Variants in NIBAN2 observed in about 807,000 individuals in gnomAD.
NIBAN2 encodes niban apoptosis regulator 2.
A neutral mutation model predicts 81.8 loss-of-function variants in NIBAN2; 36 were observed. The ratio of observed to expected loss-of-function variants is 0.44; its 90% CI spans 0.34 to 0.58. NIBAN2 has a LOEUF of 0.58. NIBAN2 is among the 20% of genes least tolerant of loss of function. The probability of loss-of-function intolerance (pLI) is 0.02; values close to 1 mark genes in which losing one functional copy is unlikely to be tolerated. For synonymous variants in NIBAN2, 445 were observed against 441.6 expected, an observed-to-expected ratio of 1.01 and a Z score of -0.10; for missense variants, 897 against 1,014.1, an observed-to-expected ratio of 0.88 and a Z score of 1.57.
chr9:127,559,021 T>C lies in NIBAN2; in HGVS notation c.55+9799A>G, dbSNP rs7032941. On this transcript the variant is annotated intron_variant, in intron 1 of 13. Coordinates refer to ENST00000373312, the MANE Select transcript of NIBAN2 (RefSeq NM_022833.4). This position sits in a 1 kb window ranked among gnomAD's most constrained non-coding sequence, Gnocchi z 4.0. ...CACACAGCTTTCAGTGACAGAAGCA[T>C]ACTGCCACCAGGTCAAAGCCAGACA... Among the ~76,000 whole-genome samples, 2,315 of 152,266 alleles carry C rather than the reference T, an allele frequency of 0.015. 62 individuals carry two copies. Among genetic ancestry groups the C allele is most frequent in the African/African-American group, 0.054 (2,230 of 41,552 alleles).
chr9:127,537,750 T>C (rs922460597), intron 1 of NIBAN2, among the ~76,000 whole-genome samples: 1 of 152,142 alleles, frequency 6.6e-6, no homozygotes, highest in African/African-American at 2.4e-5. Context: ...CAGAGGGAAA[T>C]ACAACCCTCA....
At position 127,510,222 on chromosome 9, in the gene NIBAN2, C is replaced by T. The variant is rs1010285462; in HGVS notation, c.1085G>A (p.Arg362Gln). 5.6e-6 allele frequency: 9 copies of T among 1,614,004 alleles called. No homozygotes were observed. The African/African-American group carries it at 8.0e-5, about 14-fold the overall frequency. Residue 362 changes from arginine (R) to glutamine (Q), a missense_variant, in exon 9 of 14, where the codon CGA (arginine) becomes CAA (glutamine). This residue lies in a region of NIBAN2 where 619 missense variants were observed against 691.0 expected (regional missense o/e 0.90). Coordinates refer to ENST00000373312, the MANE Select transcript of NIBAN2 (RefSeq NM_022833.4). ...VPTSQGFTEV[R>Q]DVFFKEVTDM... The stretch of plus-strand genomic sequence containing the variant: ...CGTGACCTCCTTGAAGAAGACATCT[C>T]GCACCTCAGTGAAGCCCTGGCTGGT...
chr9:127,577,904 T>A (rs1009486733), intron 1 of NIBAN2, among the ~76,000 whole-genome samples: 41 of 151,860 alleles, frequency 2.7e-4, no homozygotes, highest in Non-Finnish European at 5.4e-4. Context: ...TAAAAAAAAA[T>A]GTTGGGCCAG....
intron 1 of NIBAN2, chr9:127,578,841 A>G (rs1838040885): frequency 2.9e-6 from 4 of 1,389,538 alleles, no homozygotes; most frequent in East Asian, 2.4e-5. Flanking sequence ...TGAGTGACAG[A>G]GCAAAACCTC....
chr9:127,519,659 C>T (rs367676542), intron 5 of NIBAN2, among the ~76,000 whole-genome samples: 1 of 152,222 alleles, frequency 6.6e-6, no homozygotes, highest in Admixed American at 6.5e-5. Context: ...ATCCCTACAG[C>T]GCAGCTGCCT....
At chr9:127,550,415 CCT>C (rs1332890319) in intron 1 of NIBAN2, among the ~76,000 whole-genome samples, 1 of 152,220 alleles carries the variant, frequency 6.6e-6, no homozygotes, top group Non-Finnish European at 1.5e-5. Flanking sequence ...AGGTCAGACC[CCT>C]GTTAGTCATT....
At chr9:127,565,782 CAAA>C (rs34713108) in intron 1 of NIBAN2, among the ~76,000 whole-genome samples, 11 of 70,836 alleles carry the variant, frequency 1.6e-4, no homozygotes, top group Non-Finnish European at 1.3e-4. Flanking sequence ...GACTCTGTCT[CAAA>C]AAAAAAAAAA....
At chr9:127,554,932 AAAAAAACAAAAAAC>A (rs758429949) in intron 1 of NIBAN2, among the ~76,000 whole-genome samples, 3 of 152,130 alleles carry the variant, frequency 2.0e-5, no homozygotes, top group African/African-American at 4.8e-5. Flanking sequence ...CACTCACTGT[AAAAAAACAAAAAAC>A]AAAAAACAAA....
chr9:127,562,251 C>A (rs2249744), intron 1 of NIBAN2, among the ~76,000 whole-genome samples: 28,639 of 152,116 alleles, frequency 0.19, 3,242 homozygotes, highest in East Asian at 0.29. Context: ...TTTCAGTGTC[C>A]CCCTGCCCAG....
At position 127,516,031 on chromosome 9, in the gene NIBAN2, G is replaced by C. The variant is rs147172921; in HGVS notation, c.973+826C>G. ...CACATGCCTGTAGTCCCAGCTACTT[G>C]GGGGGTTGAAGTGGGAGGATGGTAG... On this transcript the variant is annotated intron_variant, in intron 8 of 13. Coordinates refer to ENST00000373312, the MANE Select transcript of NIBAN2 (RefSeq NM_022833.4). Among the ~76,000 whole-genome samples the C allele has an allele frequency of 2.2e-3, 333 of 152,054 alleles. 3 individuals carry two copies. In the East Asian group the frequency reaches 0.043, roughly 19 times the overall value.
intron 2 of NIBAN2, among the ~76,000 whole-genome samples, chr9:127,530,003 A>ACG (rs1564304930): frequency 6.6e-6 from 1 of 152,148 alleles, no homozygotes; most frequent in Non-Finnish European, 1.5e-5. Context: ...GAAATGCTTC[A>ACG]CGCCCTCAGC....
intron 8 of NIBAN2, among the ~76,000 whole-genome samples, chr9:127,510,870 A>C (rs1836725049): frequency 6.6e-6 from 1 of 152,036 alleles, no homozygotes; most frequent in South Asian, 2.1e-4. Flanking sequence ...TATTATTATC[A>C]TTTTTATTTC....
At chr9:127,569,999 A>G (rs1837928460), upstream of NIBAN2, among the ~76,000 whole-genome samples, 2 of 152,182 alleles carry the variant, frequency 1.3e-5, no homozygotes, top group African/African-American at 4.8e-5. Flanking sequence ...CCAAGCTGGC[A>G]GGGGAGACAG....
At chr9:127,527,591 C>G (rs769620535) in intron 2 of NIBAN2, among the ~76,000 whole-genome samples, 3 of 152,224 alleles carry the variant, frequency 2.0e-5, no homozygotes, top group Non-Finnish European at 2.9e-5. Flanking sequence ...AGGACAGGCA[C>G]TGATGTAGGG....
chr9:127,515,198 A>G (rs1836802059), intron 8 of NIBAN2, among the ~76,000 whole-genome samples: 1 of 151,956 alleles, frequency 6.6e-6, no homozygotes, highest in South Asian at 2.1e-4. Context: ...CTCTACCTGG[A>G]AGACAGAGCG....
chr9:127,579,022 C>T, upstream of NIBAN2: 2 of 1,285,766 alleles, frequency 1.6e-6, no homozygotes, highest in South Asian at 2.5e-5. Context: ...CTGTTTGCTG[C>T]TGAGCCAGTG....
chr9:127,518,681 A>G (rs1836879056), intron 5 of NIBAN2, among the ~76,000 whole-genome samples: 1 of 152,196 alleles, frequency 6.6e-6, no homozygotes, highest in Non-Finnish European at 1.5e-5. Context: ...CTTCTGAACA[A>G]TGGAACAATG....
chr9:127,546,946 A>G lies in NIBAN2; in HGVS notation c.56-15168T>C, dbSNP rs576332496. Among the ~76,000 whole-genome samples the G allele has an allele frequency of 1.4e-4, 20 of 139,154 alleles. No individual in the cohort carries two copies. The South Asian group carries it at 1.8e-3, about 13-fold the overall frequency. The allele number at this position is 139,154 out of a possible 152,430, so 91.3% of individuals were successfully genotyped here. A position where few individuals can be genotyped will look rare whatever the true frequency, so the allele number is the denominator to read the frequency against. On this transcript the variant is annotated intron_variant, in intron 1 of 13. Transcript: ENST00000373312. ...GCCTCCCAGAGGGAGGTAGCAGCTG[A>G]GACACAAAGAGTCCCTGCTAGGGGA...
In NIBAN2 at chr9:127,508,082, G is replaced by A; in HGVS notation, c.1542+11C>T. On this transcript the variant is annotated intron_variant, in intron 12 of 13. Transcript: ENST00000373312. The surrounding 1 kb of genome is among the most constrained non-coding windows in gnomAD (Gnocchi z 6.4). ...GGGCCCAAACGGCTGGAGCAGGTGGGGGCTGCTCACCGACTTGCAGGTAGG... is the reference window on the plus strand; with the variant it reads ...GGGCCCAAACGGCTGGAGCAGGTGGAGGCTGCTCACCGACTTGCAGGTAGG... 1 of 1,612,356 alleles carries A rather than the reference G, an allele frequency of 6.2e-7. No homozygotes were observed. Among genetic ancestry groups the A allele is most frequent in the Non-Finnish European group, 8.5e-7 (1 of 1,178,710 alleles).
Sources: gnomAD v4.1 joint callset for allele counts (sites outside exome capture counted in the v4.1 genomes callset) on GRCh38, gnomAD v4.1.1 for gene constraint, gnomAD v4.1.1 regional missense constraint, Gnocchi (gnomAD v3.1) non-coding constraint, MANE v1.5 for transcripts, NCBI Gene and HGNC (gene_info 2026-07-23, HGNC 2026-07-21) for gene names.